Variants in CDC5L observed in about 807,000 individuals in gnomAD.
CDC5L encodes the protein cell division cycle 5 like, also known as cell division cycle 5-like protein.
A neutral mutation model predicts 104.1 loss-of-function variants in CDC5L; 18 were observed. That is an observed-to-expected ratio of 0.17 (90% CI 0.12 to 0.26). The LOEUF (loss-of-function observed/expected upper bound fraction) is 0.26. CDC5L is among the 10% of genes least tolerant of loss of function. CDC5L has a pLI of 1.00. For missense variants in CDC5L, 673 were observed against 956.9 expected, an observed-to-expected ratio of 0.70 and a Z score of 3.91; for synonymous variants, 331 against 322.7, an observed-to-expected ratio of 1.03 and a Z score of -0.28.
chr6:44,443,070 G>T (rs1406552439), intron 14 of CDC5L, among the ~76,000 whole-genome samples: 1 of 150,200 alleles, frequency 6.7e-6, no homozygotes, highest in Non-Finnish European at 1.5e-5. Flanking sequence ...CTCCTGCCCT[G>T]TCCTGTCCCT....
At chr6:44,422,841 A>G (rs748320105) in intron 10 of CDC5L, 32 bp downstream of exon 10, 10 of 1,497,646 alleles carry the variant, frequency 6.7e-6, no homozygotes, top group Non-Finnish European at 9.1e-6. Flanking sequence ...ATACTCTTAA[A>G]TTTTTTTTTA....
intron 14 of CDC5L, among the ~76,000 whole-genome samples, chr6:44,436,608 T>G (rs188274926): frequency 6.6e-6 from 1 of 152,224 alleles, no homozygotes; most frequent in Non-Finnish European, 1.5e-5. Flanking sequence ...AAAAATCTTA[T>G]AAGAATTTTC....
At position 44,390,374 on chromosome 6, in the gene CDC5L, A is replaced by G; in HGVS notation, c.149+3A>G. ...GCAAAGCAGTGCAAAGCCAGATGGT[A>G]TGTATCAGTTTAATAAGTGGAAAAC... On this transcript the variant is annotated splice_donor_region_variant and intron_variant, in intron 2 of 15. Transcript: ENST00000371477. 1 of 1,575,700 alleles carries G rather than the reference A, an allele frequency of 6.3e-7. No individual in the cohort carries two copies. Among genetic ancestry groups the G allele is most frequent in the Non-Finnish European group, 8.7e-7 (1 of 1,146,350 alleles).
chr6:44,433,087 A>C (rs576363394), intron 14 of CDC5L, among the ~76,000 whole-genome samples: 3 of 152,240 alleles, frequency 2.0e-5, no homozygotes, highest in Non-Finnish European at 4.4e-5. Context: ...CGGGATGGCT[A>C]TAATTCAGTG....
At chr6:44,391,838 C>G (rs932576155) in intron 2 of CDC5L, among the ~76,000 whole-genome samples, 1 of 151,616 alleles carries the variant, frequency 6.6e-6, no homozygotes, top group Non-Finnish European at 1.5e-5. Flanking sequence ...AAAACCCCGT[C>G]TCTTCTAAAA....
chr6:44,429,361 T>G (rs1178013746), intron 13 of CDC5L, among the ~76,000 whole-genome samples: 1 of 152,190 alleles, frequency 6.6e-6, no homozygotes, highest in Non-Finnish European at 1.5e-5. Flanking sequence ...TTGGCTAATT[T>G]GTAAGGTGAT....
chr6:44,424,634 G>T (rs149353820), intron 11 of CDC5L, 51 bp downstream of exon 11: 1 of 1,573,164 alleles, frequency 6.4e-7, no homozygotes, highest in African/African-American at 1.4e-5. Flanking sequence ...GTGTCAGTAG[G>T]CTGGAAGAAT....
chr6:44,402,350 T>A (rs1791170635), intron 5 of CDC5L, among the ~76,000 whole-genome samples: 1 of 152,250 alleles, frequency 6.6e-6, no homozygotes, highest in Non-Finnish European at 1.5e-5. Context: ...TTAAATATTA[T>A]ATTCTTGTGT....
chr6:44,388,051 C>T (rs191440518), intron 1 of CDC5L, among the ~76,000 whole-genome samples, 183 bp downstream of exon 1: 5 of 151,942 alleles, frequency 3.3e-5, no homozygotes, highest in African/African-American at 1.2e-4. Flanking sequence ...GCCAGTAGGA[C>T]AGGGACCGTG....
At chr6:44,432,641 A>G (rs1792738304) in intron 14 of CDC5L, among the ~76,000 whole-genome samples, 1 of 152,224 alleles carries the variant, frequency 6.6e-6, no homozygotes, top group Non-Finnish European at 1.5e-5. Context: ...ATTTAAAACT[A>G]ATAGAACCAT....
rs142130824 is a variant in CDC5L at position 44,432,588 on chromosome 6, A to G, written c.2091+2678A>G. 7.7e-4 allele frequency among the ~76,000 whole-genome samples: 117 copies of G among 152,276 alleles called. 1 individual carries two copies. Among genetic ancestry groups the G allele is most frequent in the African/African-American group, 2.3e-3 (97 of 41,542 alleles). On this transcript the variant is annotated intron_variant, in intron 14 of 15. Coordinates refer to ENST00000371477, the MANE Select transcript of CDC5L (RefSeq NM_001253.4). ...TTGAGCCATTCATTACTCATGATTA[A>G]TATTTGAAACTTAGCACTTAAGTGA... is the stretch of plus-strand genomic sequence containing the variant.
chr6:44,442,358 T>TTGTGTGTGTGTGTATGTTGTG (rs1793234194), intron 14 of CDC5L, among the ~76,000 whole-genome samples: 2 of 148,450 alleles, frequency 1.3e-5, no homozygotes, highest in African/African-American at 2.5e-5. Flanking sequence ...CCTCTCTTGC[T>TTGTGTGTGTGTGTATGTTGTG]TGTGTGTGTG....
chr6:44,439,140 TTAACA>T (rs1793067639), intron 14 of CDC5L, among the ~76,000 whole-genome samples: 1 of 152,230 alleles, frequency 6.6e-6, no homozygotes, highest in African/African-American at 2.4e-5. Context: ...CTTCTTTTAC[TTAACA>T]TAATGTTTTC....
chr6:44,413,882 G>A (rs1791778917), intron 8 of CDC5L, among the ~76,000 whole-genome samples: 2 of 152,198 alleles, frequency 1.3e-5, no homozygotes, highest in Admixed American at 1.3e-4. Flanking sequence ...ACCGTGCCTA[G>A]CACATTGTAC....
At chr6:44,445,045 A>G (rs982149607) in intron 14 of CDC5L, among the ~76,000 whole-genome samples, 1 of 152,170 alleles carries the variant, frequency 6.6e-6, no homozygotes, top group Non-Finnish European at 1.5e-5. Context: ...CCAGGGAGAA[A>G]TGTGGAGCTT....
intron 8 of CDC5L, 35 bp downstream of exon 8, chr6:44,408,667 T>C: frequency 6.8e-7 from 1 of 1,474,918 alleles, no homozygotes; most frequent in Non-Finnish European, 9.3e-7. Flanking sequence ...GGCTTTTACT[T>C]TGTTTATTGT....
At chr6:44,434,239 A>G (rs1011163813) in intron 14 of CDC5L, among the ~76,000 whole-genome samples, 4 of 152,192 alleles carry the variant, frequency 2.6e-5, no homozygotes, top group Non-Finnish European at 4.4e-5. Flanking sequence ...ATGTATGCAG[A>G]TGTACAGTGC....
At chr6:44,440,429 A>T (rs1461865154) in intron 14 of CDC5L, among the ~76,000 whole-genome samples, 1 of 149,930 alleles carries the variant, frequency 6.7e-6, no homozygotes, top group Non-Finnish European at 1.5e-5. Context: ...TTTAGTAGAG[A>T]TGGGGGTTTT....
At chr6:44,409,938 T>A (rs1791552170) in intron 8 of CDC5L, among the ~76,000 whole-genome samples, 1 of 151,874 alleles carries the variant, frequency 6.6e-6, no homozygotes, top group Non-Finnish European at 1.5e-5. Context: ...TTTTTTTTTT[T>A]AGTTTTTTTT....
Sources: allele counts gnomAD v4.1 joint callset (sites outside exome capture counted in the v4.1 genomes callset), GRCh38; gene constraint gnomAD v4.1.1; transcripts MANE v1.5; gene names NCBI Gene and HGNC (gene_info 2026-07-23, HGNC 2026-07-21).